Variants in FBXO4 observed in about 807,000 individuals in gnomAD.
FBXO4 encodes the protein F-box protein 4, also known as F-box only protein 4.
FBXO4 carries 36 observed loss-of-function variants against 43.7 expected under a neutral mutation model. The ratio of observed to expected loss-of-function variants is 0.82; its 90% CI spans 0.63 to 1.09. FBXO4 has a LOEUF of 1.09. FBXO4 is among the 50% of genes least tolerant of loss of function. The probability of loss-of-function intolerance (pLI) is 0.00; values close to 1 mark genes in which losing one functional copy is unlikely to be tolerated. For missense variants in FBXO4, 435 were observed against 474.1 expected, an observed-to-expected ratio of 0.92 and a Z score of 0.77; for synonymous variants, 180 against 165.6, an observed-to-expected ratio of 1.09 and a Z score of -0.67.
the FBXO4 span, among the ~76,000 whole-genome samples, chr5:41,985,092 T>G: frequency 2.6e-5 from 4 of 152,210 alleles, no homozygotes; most frequent in South Asian, 2.1e-4. Context: ...ATCCCTGCAT[T>G]CAGTCTCACA....
chr5:41,969,835 A>G, the FBXO4 span, among the ~76,000 whole-genome samples: 2,272 of 152,240 alleles, frequency 0.015, 56 homozygotes, highest in African/African-American at 0.046. Flanking sequence ...CCAAAGCTCA[A>G]TACTACATTT....
chr5:41,993,530 A>G, the FBXO4 span, among the ~76,000 whole-genome samples: 1 of 151,664 alleles, frequency 6.6e-6, no homozygotes, highest in Non-Finnish European at 1.5e-5. Context: ...TAACTTGCTT[A>G]CATCAGATCT....
At chr5:42,030,935 A>G in the FBXO4 span, among the ~76,000 whole-genome samples, 2 of 151,428 alleles carry the variant, frequency 1.3e-5, no homozygotes, top group Non-Finnish European at 3.0e-5. Flanking sequence ...TTAGAATGGC[A>G]ATCATTAAAA....
chr5:41,945,544 C>T (rs191135862), downstream of FBXO4, among the ~76,000 whole-genome samples: 135 of 152,286 alleles, frequency 8.9e-4, 2 homozygotes, highest in African/African-American at 3.1e-3. Context: ...GACAACAGCA[C>T]GCGATGTGCT....
At chr5:41,954,812 A>T in the FBXO4 span, among the ~76,000 whole-genome samples, 1 of 152,226 alleles carries the variant, frequency 6.6e-6, no homozygotes, top group African/African-American at 2.4e-5. Flanking sequence ...GTTGTTAATT[A>T]AGTTGTTAAC....
At chr5:41,998,175 T>C in the FBXO4 span, among the ~76,000 whole-genome samples, 3 of 152,212 alleles carry the variant, frequency 2.0e-5, no homozygotes, top group African/African-American at 4.8e-5. Context: ...CCTTTGACGA[T>C]TGAGTGCCAC....
At chr5:41,967,854 T>A in the FBXO4 span, 1 of 586,700 alleles carries the variant, frequency 1.7e-6, no homozygotes, top group South Asian at 1.4e-5. Flanking sequence ...AATTCAACAA[T>A]TCTTCCTCTG....
At chr5:41,979,015 T>C in the FBXO4 span, among the ~76,000 whole-genome samples, 2 of 152,234 alleles carry the variant, frequency 1.3e-5, no homozygotes, top group African/African-American at 4.8e-5. Context: ...GTAAATTTTT[T>C]CAGCCTTGTA....
the FBXO4 span, among the ~76,000 whole-genome samples, chr5:41,963,177 T>C: frequency 6.6e-6 from 1 of 151,992 alleles, no homozygotes; most frequent in Non-Finnish European, 1.5e-5. Flanking sequence ...TTTCAACATA[T>C]ATACACACAC....
At chr5:41,995,662 A>C in the FBXO4 span, among the ~76,000 whole-genome samples, 30 of 152,280 alleles carry the variant, frequency 2.0e-4, 1 homozygote, top group African/African-American at 7.2e-4. Flanking sequence ...TCCTCTGCTG[A>C]GGTCACCCAT....
chr5:41,946,295 A>G (rs1010372829), downstream of FBXO4, among the ~76,000 whole-genome samples: 1 of 152,222 alleles, frequency 6.6e-6, no homozygotes, highest in Admixed American at 6.5e-5. Flanking sequence ...TAAAAAGCAG[A>G]TTATAGAATT....
chr5:41,949,711 C>A, the FBXO4 span, among the ~76,000 whole-genome samples: 1 of 152,140 alleles, frequency 6.6e-6, no homozygotes, highest in Non-Finnish European at 1.5e-5. Flanking sequence ...TTGGAAAAAA[C>A]TACTTTAAAG....
chr5:41,994,018 C>G, the FBXO4 span, among the ~76,000 whole-genome samples: 1 of 152,140 alleles, frequency 6.6e-6, no homozygotes, highest in Non-Finnish European at 1.5e-5. Flanking sequence ...TCCTTCAATC[C>G]AATCAAGTTG....
chr5:41,985,950 G>A, the FBXO4 span, among the ~76,000 whole-genome samples: 1 of 151,988 alleles, frequency 6.6e-6, no homozygotes, highest in Non-Finnish European at 1.5e-5. Context: ...GAGAAAATAA[G>A]CCATTTTATA....
chr5:42,033,463 G>C, the FBXO4 span, among the ~76,000 whole-genome samples: 2 of 152,088 alleles, frequency 1.3e-5, no homozygotes, highest in Non-Finnish European at 2.9e-5. Flanking sequence ...TGTCATGGTG[G>C]TTTTCTGCAC....
At chr5:42,030,111 A>T in the FBXO4 span, among the ~76,000 whole-genome samples, 1 of 152,102 alleles carries the variant, frequency 6.6e-6, no homozygotes, top group East Asian at 1.9e-4. Flanking sequence ...AAATACTTTA[A>T]AGTTCATATG....
At chr5:41,933,901 T>C in intron 3 of FBXO4, 45 bp from the exon 4 acceptor site, 1 of 1,515,028 alleles carries the variant, frequency 6.6e-7, no homozygotes, top group Non-Finnish European at 9.0e-7. Flanking sequence ...TCTTTTGCTA[T>C]TTTTATTAAT....
At chr5:41,992,826 A>C in the FBXO4 span, among the ~76,000 whole-genome samples, 2 of 150,146 alleles carry the variant, frequency 1.3e-5, no homozygotes, top group African/African-American at 2.4e-5. Context: ...ATTTTCAGCA[A>C]GTATGCTGCC....
At chr5:42,039,141 A>T in the FBXO4 span, among the ~76,000 whole-genome samples, 2 of 152,218 alleles carry the variant, frequency 1.3e-5, no homozygotes, top group African/African-American at 4.8e-5. Flanking sequence ...CTTTGCAAAA[A>T]AGTAACATGC....
Sources: allele counts gnomAD v4.1 joint callset (sites outside exome capture counted in the v4.1 genomes callset), GRCh38; gene constraint gnomAD v4.1.1; transcripts MANE v1.5; gene names NCBI Gene and HGNC (gene_info 2026-07-23, HGNC 2026-07-21).